Variants in CACNA2D3 observed in about 807,000 individuals in gnomAD.
CACNA2D3 encodes calcium voltage-gated channel auxiliary subunit alpha2delta 3.
In CACNA2D3, 60 loss-of-function variants were observed where a neutral mutation model predicts 160.6. That is an observed-to-expected ratio of 0.37 (90% CI 0.30 to 0.46). The LOEUF is 0.46. Among genes scored for constraint, CACNA2D3 ranks in the 20% least tolerant of loss-of-function variants. The probability of loss-of-function intolerance (pLI) is 1.00; values close to 1 mark genes in which losing one functional copy is unlikely to be tolerated. For synonymous variants in CACNA2D3, 558 were observed against 492.9 expected (o/e 1.13, Z -1.75); for missense variants, 1,205 against 1,365.0 (o/e 0.88, Z 1.85).
chr3:55,018,527 A>G (rs1172966163), intron 35 of CACNA2D3, among the ~76,000 whole-genome samples: 2 of 152,202 alleles, frequency 1.3e-5, no homozygotes, highest in Non-Finnish European at 1.5e-5. Flanking sequence ...GAATGCATGA[A>G]AAGACATCCT....
intron 5 of CACNA2D3, among the ~76,000 whole-genome samples, chr3:54,508,560 A>C (rs532006975): frequency 1.3e-4 from 20 of 152,362 alleles, no homozygotes; most frequent in African/African-American, 4.6e-4. Flanking sequence ...AATATAGATT[A>C]CAATCAAAAC....
At chr3:54,265,110 T>C (rs1029511708) in intron 2 of CACNA2D3, among the ~76,000 whole-genome samples, 2 of 152,150 alleles carry the variant, frequency 1.3e-5, no homozygotes, top group Non-Finnish European at 2.9e-5. Flanking sequence ...AGCAATGGGA[T>C]TGCTGGGTCA....
At chr3:54,605,120 C>T (rs114745621) in intron 9 of CACNA2D3, among the ~76,000 whole-genome samples, 2,304 of 152,230 alleles carry the variant, frequency 0.015, 57 homozygotes, top group African/African-American at 0.053. Flanking sequence ...TCTGTCTTCA[C>T]GTGGCATTCT....
chr3:54,284,546 T>C (rs1391684901), intron 2 of CACNA2D3, among the ~76,000 whole-genome samples: 1 of 152,098 alleles, frequency 6.6e-6, no homozygotes, highest in East Asian at 1.9e-4. Flanking sequence ...TTCAATCTAC[T>C]AAAGGAAAAA....
At chr3:54,272,141 C>T (rs1702635394) in intron 2 of CACNA2D3, among the ~76,000 whole-genome samples, 1 of 152,156 alleles carries the variant, frequency 6.6e-6, no homozygotes, top group South Asian at 2.1e-4. Flanking sequence ...GACATGGCCC[C>T]GCCACCCCCC....
chr3:54,689,378 C>T (rs1700529977), intron 11 of CACNA2D3, among the ~76,000 whole-genome samples: 1 of 152,124 alleles, frequency 6.6e-6, no homozygotes, highest in African/African-American at 2.4e-5. Flanking sequence ...CTGGTCCAGG[C>T]CCATTTCTTT....
intron 4 of CACNA2D3, among the ~76,000 whole-genome samples, chr3:54,500,920 T>C (rs193301354): frequency 9.8e-5 from 15 of 152,356 alleles, no homozygotes; most frequent in Admixed American, 9.8e-4. Flanking sequence ...ATTTATTTTC[T>C]CACAGTTCTG....
At chr3:54,127,364 T>C (rs1699615035) in intron 2 of CACNA2D3, among the ~76,000 whole-genome samples, 1 of 152,232 alleles carries the variant, frequency 6.6e-6, no homozygotes, top group African/African-American at 2.4e-5. Flanking sequence ...ATATATAAAG[T>C]TGATATCTCT....
intron 17 of CACNA2D3, among the ~76,000 whole-genome samples, chr3:54,850,270 G>T (rs758889944): frequency 2.6e-5 from 4 of 152,186 alleles, no homozygotes; most frequent in Non-Finnish European, 5.9e-5. Flanking sequence ...GGGGCCGGGG[G>T]GCTGCAGCAC....
At position 54,896,890 on chromosome 3, in the gene CACNA2D3, G is replaced by A; in HGVS notation, c.2368+20G>A. ...GCACTGGTGGGTGCCCTTGTTGGAG[G>A]CGGGCTCTGTCTGTCTGGTCCAGTG... On this transcript the variant is annotated intron_variant, in intron 26 of 37. Transcript: ENST00000474759. 6 of 1,613,790 alleles carry A rather than the reference G, an allele frequency of 3.7e-6. No individual in the cohort carries two copies. Among genetic ancestry groups the A allele is most frequent in the East Asian group, 2.2e-5 (1 of 44,872 alleles).
chr3:54,896,959 C>G (rs1700204914), intron 26 of CACNA2D3, 89 bp downstream of exon 26: 11 of 1,542,914 alleles, frequency 7.1e-6, no homozygotes. Flanking sequence ...TGCCTGAATG[C>G]TGAAAGGAAC....
chr3:54,185,230 C>G (rs1234517143), intron 2 of CACNA2D3, among the ~76,000 whole-genome samples: 1 of 152,148 alleles, frequency 6.6e-6, no homozygotes, highest in Non-Finnish European at 1.5e-5. Context: ...TTTGCCCTGA[C>G]ACATAAGCTC....
intron 4 of CACNA2D3, among the ~76,000 whole-genome samples, chr3:54,442,613 C>T (rs1375515): frequency 0.59 from 89,118 of 152,090 alleles, 27,181 homozygotes; most frequent in Non-Finnish European, 0.68. Flanking sequence ...CTGAACGCGC[C>T]GTCAATGGGC....
chr3:55,018,370 A>T, intron 35 of CACNA2D3, 53 bp downstream of exon 35: 1 of 1,102,378 alleles, frequency 9.1e-7, no homozygotes, highest in South Asian at 1.3e-5. Context: ...TCAGCACAGA[A>T]CTTTCCCAGA....
chr3:55,057,428 C>A (rs1704391714), intron 35 of CACNA2D3, among the ~76,000 whole-genome samples: 1 of 152,076 alleles, frequency 6.6e-6, no homozygotes, highest in African/African-American at 2.4e-5. Flanking sequence ...CAAGATTCCC[C>A]CCATCCCACC....
At chr3:54,198,327 G>A (rs1025556156) in intron 2 of CACNA2D3, among the ~76,000 whole-genome samples, 1 of 152,190 alleles carries the variant, frequency 6.6e-6, no homozygotes, top group Non-Finnish European at 1.5e-5. Context: ...CTTTCTAAGG[G>A]CAGTTTCATG....
chr3:54,763,814 T>TATGTAC (rs1553838812), intron 12 of CACNA2D3, among the ~76,000 whole-genome samples: 1 of 5,210 alleles, frequency 1.9e-4, no homozygotes, highest in Non-Finnish European at 8.0e-4. Flanking sequence ...TATATATACA[T>TATGTAC]ATATATATAC....
At chr3:54,174,542 T>G (rs887581363) in intron 2 of CACNA2D3, among the ~76,000 whole-genome samples, 17 of 152,078 alleles carry the variant, frequency 1.1e-4, no homozygotes, top group African/African-American at 3.1e-4. Context: ...ATTTTTTTTT[T>G]GAGACAGAAT....
chr3:54,740,277 A>G (rs773147859), intron 11 of CACNA2D3, among the ~76,000 whole-genome samples: 4 of 152,160 alleles, frequency 2.6e-5, no homozygotes, highest in Non-Finnish European at 4.4e-5. Context: ...ATAAAATACA[A>G]CTTTTACTGA....
Sources: gnomAD v4.1 joint callset for allele counts (sites outside exome capture counted in the v4.1 genomes callset) on GRCh38, gnomAD v4.1.1 for gene constraint, MANE v1.5 for transcripts, NCBI Gene and HGNC (gene_info 2026-07-23, HGNC 2026-07-21) for gene names.